Variants in RAB31 observed in about 807,000 individuals in gnomAD.
RAB31 encodes the protein ras-related protein Rab-31.
RAB31 carries 21 observed loss-of-function variants against 25.6 expected under a neutral mutation model. The ratio of observed to expected loss-of-function variants is 0.82; its 90% confidence interval spans 0.58 to 1.18. The LOEUF (loss-of-function observed/expected upper bound fraction) is 1.18. Among genes scored for constraint, RAB31 ranks in the 50% most tolerant of loss-of-function variants. The pLI, the probability that RAB31 is intolerant of heterozygous loss-of-function variation, is 0.00. For synonymous variants in RAB31, 87 were observed against 84.0 expected, an observed-to-expected ratio of 1.04 and a Z score of -0.20; for missense variants, 196 against 250.1, an observed-to-expected ratio of 0.78 and a Z score of 1.46.
At chr18:9,768,534 T>C (rs2068328076) in intron 1 of RAB31, among the ~76,000 whole-genome samples, 1 of 152,206 alleles carries the variant, frequency 6.6e-6, no homozygotes, top group African/African-American at 2.4e-5. Context: ...CTTTGCCCAC[T>C]TTTTGATGGG....
At chr18:9,852,701 G>A (rs1290573312) in intron 6 of RAB31, among the ~76,000 whole-genome samples, 1 of 152,038 alleles carries the variant, frequency 6.6e-6, no homozygotes, top group African/African-American at 2.4e-5. Context: ...ACCAGTAAAG[G>A]TGCTATGAGT....
At chr18:9,771,311 T>G (rs918854458) in intron 1 of RAB31, among the ~76,000 whole-genome samples, 13 of 152,220 alleles carry the variant, frequency 8.5e-5, no homozygotes, top group Non-Finnish European at 1.6e-4. Context: ...GAAGTCACAC[T>G]GTTTCCTCTT....
At chr18:9,779,466 T>C (rs963318029) in intron 2 of RAB31, among the ~76,000 whole-genome samples, 1 of 152,176 alleles carries the variant, frequency 6.6e-6, no homozygotes, top group Non-Finnish European at 1.5e-5. Context: ...AGCCACAACA[T>C]ACATTCCCAG....
chr18:9,715,446 A>C (rs1599008737), intron 1 of RAB31, among the ~76,000 whole-genome samples: 1 of 146,756 alleles, frequency 6.8e-6, no homozygotes, highest in South Asian at 2.1e-4. Flanking sequence ...TAAAACTTAC[A>C]CAGCAGTTGA....
intron 3 of RAB31, among the ~76,000 whole-genome samples, chr18:9,801,284 ATT>A (rs3039670): frequency 7.1e-5 from 10 of 141,110 alleles, no homozygotes; most frequent in East Asian, 2.1e-4. Flanking sequence ...CTTTGTGTAG[ATT>A]TTTTTTTTTT....
chr18:9,731,137 T>C (rs2068120949), intron 1 of RAB31, among the ~76,000 whole-genome samples: 1 of 152,058 alleles, frequency 6.6e-6, no homozygotes. Flanking sequence ...GAGATGGGGG[T>C]TCTCACTGTG....
chr18:9,773,662 AATAT>A (rs2068356968), intron 1 of RAB31, among the ~76,000 whole-genome samples: 1 of 151,940 alleles, frequency 6.6e-6, no homozygotes, highest in African/African-American at 2.4e-5. Context: ...TCATATTTTT[AATAT>A]ATATATTTTT....
intron 5 of RAB31, among the ~76,000 whole-genome samples, chr18:9,841,599 A>C (rs1243939387): frequency 5.3e-5 from 8 of 152,050 alleles, no homozygotes; most frequent in African/African-American, 1.7e-4. Flanking sequence ...ACTGGCAACA[A>C]ATCATTCCAT....
At chr18:9,736,404 C>T (rs1161322939) in intron 1 of RAB31, among the ~76,000 whole-genome samples, 2 of 152,174 alleles carry the variant, frequency 1.3e-5, no homozygotes, top group Non-Finnish European at 2.9e-5. Context: ...TTGGTTGGGC[C>T]TCCCTCCCAG....
chr18:9,822,110 G>A (rs2068627161), intron 5 of RAB31, among the ~76,000 whole-genome samples: 1 of 152,164 alleles, frequency 6.6e-6, no homozygotes, highest in Admixed American at 6.5e-5. Context: ...CAGTGAGACG[G>A]ATGCATAGAT....
intron 5 of RAB31, among the ~76,000 whole-genome samples, chr18:9,843,543 C>A (rs1479555772): frequency 6.3e-4 from 43 of 68,400 alleles, no homozygotes; most frequent in South Asian, 4.0e-3. Context: ...AAGACACTGT[C>A]AAAAAAAAAA....
At chr18:9,738,539 C>G (rs1430794983) in intron 1 of RAB31, among the ~76,000 whole-genome samples, 1 of 152,196 alleles carries the variant, frequency 6.6e-6, no homozygotes, top group East Asian at 1.9e-4. Context: ...GATAGCTGAA[C>G]ATGTGGAGGC....
intron 1 of RAB31, among the ~76,000 whole-genome samples, chr18:9,731,303 C>T (rs1249017172): frequency 1.3e-5 from 2 of 152,188 alleles, no homozygotes; most frequent in African/African-American, 4.8e-5. Flanking sequence ...CCCTAAGCTT[C>T]CCTTGGTCTT....
At chr18:9,752,220 G>C (rs1447614444) in intron 1 of RAB31, among the ~76,000 whole-genome samples, 1 of 151,934 alleles carries the variant, frequency 6.6e-6, no homozygotes, top group Non-Finnish European at 1.5e-5. Flanking sequence ...CAGCTTGGCT[G>C]TTTTATTTAT....
intron 5 of RAB31, among the ~76,000 whole-genome samples, chr18:9,821,108 G>T (rs561349829): frequency 6.6e-6 from 1 of 151,968 alleles, no homozygotes; most frequent in Non-Finnish European, 1.5e-5. Context: ...TTTCTAATTC[G>T]TGTTCTAACC....
intron 1 of RAB31, among the ~76,000 whole-genome samples, chr18:9,735,981 C>T (rs1168598742): frequency 1.3e-5 from 2 of 152,108 alleles, no homozygotes; most frequent in East Asian, 3.9e-4. Flanking sequence ...GGACTACAGA[C>T]ATGCACCACC....
chr18:9,801,782 T>C (rs1390661442), intron 3 of RAB31, among the ~76,000 whole-genome samples: 1 of 152,256 alleles, frequency 6.6e-6, no homozygotes, highest in Admixed American at 6.5e-5. Context: ...GGTTTACTCC[T>C]GCATTTTCTT....
At chr18:9,827,888 G>A (rs1221517138) in intron 5 of RAB31, among the ~76,000 whole-genome samples, 1 of 152,132 alleles carries the variant, frequency 6.6e-6, no homozygotes, top group Non-Finnish European at 1.5e-5. Flanking sequence ...AAAGGGGGTG[G>A]GGAAGTATCT....
At chr18:9,835,424 C>T (rs1008362391) in intron 5 of RAB31, among the ~76,000 whole-genome samples, 9 of 152,172 alleles carry the variant, frequency 5.9e-5, no homozygotes, top group African/African-American at 2.2e-4. Context: ...GGCCAAGTCC[C>T]CTAGAGAACC....
Sources: allele counts gnomAD v4.1 joint callset (sites outside exome capture counted in the v4.1 genomes callset), GRCh38; gene constraint gnomAD v4.1.1; transcripts MANE v1.5; gene names NCBI Gene and HGNC (gene_info 2026-07-23, HGNC 2026-07-21).